The following GNG7 variants were observed in gnomAD, a reference collection of about 807,000 sequenced individuals.
GNG7 encodes G protein subunit gamma 7, also known as guanine nucleotide-binding protein G(I)/G(S)/G(O) subunit gamma-7.
In GNG7, 1 loss-of-function variant was observed where a neutral mutation model predicts 4.0. The observed-to-expected ratio is 0.25, with a 90% CI of 0.09 to 1.18. GNG7 has a LOEUF of 1.18. Among genes scored for constraint, GNG7 ranks in the 50% most tolerant of loss-of-function variants. The pLI, the probability that GNG7 is intolerant of heterozygous loss-of-function variation, is 0.50. For synonymous variants in GNG7, 34 were observed against 36.9 expected, an observed-to-expected ratio of 0.92 and a Z score of 0.29; for missense variants, 86 against 91.9, an observed-to-expected ratio of 0.94 and a Z score of 0.26.
At chr19:2,599,573 A>C (rs1981137120) in intron 2 of GNG7, among the ~76,000 whole-genome samples, 2 of 151,962 alleles carry the variant, frequency 1.3e-5, no homozygotes, top group South Asian at 4.1e-4. Context: ...CTGTTGAGTT[A>C]TTGTGGCTTT....
At chr19:2,664,330 A>C (rs535262285) in intron 1 of GNG7, among the ~76,000 whole-genome samples, 1 of 152,312 alleles carries the variant, frequency 6.6e-6, no homozygotes, top group African/African-American at 2.4e-5. Flanking sequence ...TCACCAGCAA[A>C]GTGCTGATTG....
chr19:2,574,162 C>A (rs1980237350), intron 2 of GNG7, among the ~76,000 whole-genome samples: 1 of 152,236 alleles, frequency 6.6e-6, no homozygotes, highest in Non-Finnish European at 1.5e-5. Flanking sequence ...GGTGTCCCTG[C>A]TGGGCCTGCA....
chr19:2,634,168 G>A lies in GNG7; in HGVS notation c.-78+12056C>T, dbSNP rs1237562374. ...TGGGCGTTTATGGTGCCTATCATGA[G>A]CAGGAAAATAACTCGAATTTTTTTC... On this transcript the variant is annotated intron_variant, in intron 2 of 4. Coordinates refer to ENST00000382159, the MANE Select transcript of GNG7 (RefSeq NM_052847.3). This position sits in a 1 kb window ranked among gnomAD's most constrained non-coding sequence, Gnocchi z 5.3. Among the ~76,000 whole-genome samples the A allele has an allele frequency of 6.6e-6, 1 of 152,168 alleles. No individual in the cohort carries two copies. Among genetic ancestry groups the A allele is most frequent in the Non-Finnish European group, 1.5e-5 (1 of 68,028 alleles).
intron 3 of GNG7, among the ~76,000 whole-genome samples, chr19:2,548,560 G>A (rs1413439435): frequency 1.3e-5 from 2 of 150,858 alleles, no homozygotes; most frequent in Admixed American, 6.6e-5. Flanking sequence ...TGGCTGAGGT[G>A]TGTGGCTCAC....
intron 2 of GNG7, among the ~76,000 whole-genome samples, chr19:2,598,806 C>A (rs1981113514): frequency 6.6e-6 from 1 of 151,744 alleles, no homozygotes; most frequent in South Asian, 2.1e-4. Flanking sequence ...TTCTAAGGAG[C>A]CACTAGGAAA....
chr19:2,567,540 G>A (rs985439369), intron 2 of GNG7, among the ~76,000 whole-genome samples: 2 of 152,060 alleles, frequency 1.3e-5, no homozygotes, highest in Non-Finnish European at 2.9e-5. Context: ...TGCCCAGGCT[G>A]GTCTTGAGCT....
chr19:2,644,382 A>ATATATATATAAAG (rs1568272569), intron 2 of GNG7, among the ~76,000 whole-genome samples: 5 of 109,176 alleles, frequency 4.6e-5, no homozygotes, highest in Admixed American at 1.9e-4. Flanking sequence ...TATATATATA[A>ATATATATATAAAG]TGCTCTATCT....
intron 2 of GNG7, among the ~76,000 whole-genome samples, chr19:2,615,790 C>T (rs1981709285): frequency 6.6e-6 from 1 of 152,154 alleles, no homozygotes; most frequent in African/African-American, 2.4e-5. Flanking sequence ...AGAGCCACTG[C>T]TGAGCAATTA....
chr19:2,535,885 G>T (rs1978719896), intron 3 of GNG7, among the ~76,000 whole-genome samples: 1 of 152,106 alleles, frequency 6.6e-6, no homozygotes, highest in African/African-American at 2.4e-5. Flanking sequence ...CAGTGCTTTG[G>T]GAGGCCAAGG....
intron 1 of GNG7, among the ~76,000 whole-genome samples, chr19:2,685,869 A>T (rs1006535643): frequency 1.8e-4 from 27 of 152,084 alleles, no homozygotes; most frequent in Non-Finnish European, 2.9e-4. Context: ...GGCCACTAAG[A>T]AAAGGGCCTT....
intron 3 of GNG7, among the ~76,000 whole-genome samples, chr19:2,531,977 C>T (rs1289175967): frequency 2.0e-5 from 3 of 151,768 alleles, no homozygotes; most frequent in Admixed American, 6.6e-5. Context: ...CGGTGAAACC[C>T]CGTCTCTACT....
At chr19:2,621,650 T>G (rs1214832602) in intron 2 of GNG7, among the ~76,000 whole-genome samples, 1 of 152,080 alleles carries the variant, frequency 6.6e-6, no homozygotes, top group Non-Finnish European at 1.5e-5. Context: ...TGAGCCAAGA[T>G]GGCACCACTG....
rs1568281147 is a variant in GNG7, at chr19:2,673,269, AAAAC to A, written c.-134-26993_-134-26990del. On this transcript the variant is annotated intron_variant, in intron 1 of 4. Transcript: ENST00000382159. ...CGAGATTCCATCTCAAAAAAAAAAC[AAAAC>A]AAAACAAAACAAAACAAAAAAAAAC... Among the ~76,000 whole-genome samples, 984 of 100,508 alleles carry A rather than the reference AAAAC, an allele frequency of 9.8e-3. 25 individuals are homozygous for A. The highest frequency in any genetic ancestry group is 0.061 in the African/African-American group (934 of 15,230). 65.9% of individuals were successfully genotyped at this position (100,508 alleles called of 152,430 possible).
chr19:2,542,356 T>A (rs1276756239), intron 3 of GNG7, among the ~76,000 whole-genome samples: 1 of 151,932 alleles, frequency 6.6e-6, no homozygotes, highest in Non-Finnish European at 1.5e-5. Context: ...CCTCAAGCAA[T>A]CCACCCACCG....
intron 3 of GNG7, among the ~76,000 whole-genome samples, chr19:2,540,823 A>G (rs1978936260): frequency 6.6e-6 from 1 of 152,218 alleles, no homozygotes; most frequent in Admixed American, 6.5e-5. Flanking sequence ...CCAGCTGCAC[A>G]GGAAGCCGTG....
chr19:2,621,495 C>G (rs773573465), intron 2 of GNG7, among the ~76,000 whole-genome samples: 3 of 151,794 alleles, frequency 2.0e-5, no homozygotes, highest in Non-Finnish European at 4.4e-5. Flanking sequence ...ATAAGGAGTT[C>G]GAGACCAGCC....
At chr19:2,552,892 C>T (rs1979379284) in intron 3 of GNG7, among the ~76,000 whole-genome samples, 1 of 149,740 alleles carries the variant, frequency 6.7e-6, no homozygotes, top group Admixed American at 6.7e-5. Context: ...AACTGTCTTC[C>T]ACGAATCCAC....
Position 2,570,087 on chromosome 19 carries a change from G to A in GNG7, c.-77-14899C>T, listed in dbSNP as rs532029015. Among the ~76,000 whole-genome samples the A allele has an allele frequency of 2.6e-5, 4 of 152,082 alleles. No individual in the cohort carries two copies. The East Asian group carries it at 7.7e-4, about 29-fold the overall frequency. On this transcript the variant is annotated intron_variant, in intron 2 of 4. Transcript: ENST00000382159. ...CCTCATGGCTTGGTGCTCTCCCCTC[G>A]GGAATGAGCGAGTTCCCACTCTGTT...
rs1490292374 is a variant in GNG7 at position 2,626,674 on chromosome 19, G to A, written c.-78+19550C>T. Among the ~76,000 whole-genome samples, 1 of 152,112 alleles carries A rather than the reference G, an allele frequency of 6.6e-6. No individual in the cohort carries two copies. The highest frequency in any genetic ancestry group is 1.5e-5 in the Non-Finnish European group (1 of 68,022). The stretch of plus-strand genomic sequence containing the variant: ...ACTCTTGGGCGGTGTTGTCTTCATC[G>A]GTTCACTCAATCAGGGTCTCAACTG... On this transcript the variant is annotated intron_variant, in intron 2 of 4. Coordinates refer to ENST00000382159, the MANE Select transcript of GNG7 (RefSeq NM_052847.3). The surrounding 1 kb of genome is among the most constrained non-coding windows in gnomAD (Gnocchi z 5.0).
Sources: allele counts gnomAD v4.1 joint callset (sites outside exome capture counted in the v4.1 genomes callset), GRCh38; gene constraint gnomAD v4.1.1; non-coding constraint Gnocchi (gnomAD v3.1); transcripts MANE v1.5; gene names NCBI Gene and HGNC (gene_info 2026-07-23, HGNC 2026-07-21).